The following UBE2R2 variants were observed in gnomAD, a reference collection of about 807,000 sequenced individuals.
UBE2R2 encodes ubiquitin-conjugating enzyme E2 R2.
A neutral mutation model predicts 27.8 loss-of-function variants in UBE2R2; 1 was observed. The observed-to-expected ratio is 0.04, with a 90% CI of 0.01 to 0.17. The LOEUF (loss-of-function observed/expected upper bound fraction) is 0.17. Among genes scored for constraint, UBE2R2 ranks in the 10% least tolerant of loss-of-function variants. The pLI, the probability that UBE2R2 is intolerant of heterozygous loss-of-function variation, is 1.00. For missense variants in UBE2R2, 100 were observed against 291.0 expected (o/e 0.34, Z 4.78); for synonymous variants, 106 against 113.3 (o/e 0.94, Z 0.41).
chr9:33,839,006 T>A (rs1170158229), intron 1 of UBE2R2, among the ~76,000 whole-genome samples: 1 of 149,758 alleles, frequency 6.7e-6, no homozygotes, highest in Non-Finnish European at 1.5e-5. Context: ...TGCTTGAACC[T>A]GGGAGATGGA....
intron 1 of UBE2R2, among the ~76,000 whole-genome samples, chr9:33,826,344 A>G (rs948484674): frequency 1.3e-5 from 2 of 152,184 alleles, no homozygotes; most frequent in African/African-American, 4.8e-5. Flanking sequence ...CCAAGGTTTG[A>G]TGTTACTTAA....
chr9:33,904,667 G>T (rs72727319), intron 3 of UBE2R2, among the ~76,000 whole-genome samples: 2 of 152,310 alleles, frequency 1.3e-5, no homozygotes, highest in African/African-American at 2.4e-5. Context: ...TGAAAAGGAA[G>T]AATTTTAGGG....
intron 1 of UBE2R2, among the ~76,000 whole-genome samples, chr9:33,829,794 T>TG (rs1491346312): frequency 1.2e-4 from 3 of 24,150 alleles, no homozygotes; most frequent in African/African-American, 3.4e-4. Flanking sequence ...AGTGCAATCG[T>TG]TTTTTTTTTT....
chr9:33,911,424 A>AC (rs1822486580), intron 3 of UBE2R2, among the ~76,000 whole-genome samples: 2 of 149,548 alleles, frequency 1.3e-5, no homozygotes, highest in African/African-American at 2.4e-5. Context: ...AAAAAAAAAA[A>AC]AAAAAAAAAA....
At chr9:33,847,182 C>A (rs541685715) in intron 1 of UBE2R2, among the ~76,000 whole-genome samples, 2 of 152,064 alleles carry the variant, frequency 1.3e-5, no homozygotes, top group East Asian at 3.9e-4. Context: ...ACTGCAACCC[C>A]TGCCACCCGA....
rs1036412846 is a variant in UBE2R2 at position 33,919,132 on chromosome 9, T to C, written c.*1895T>C. On this transcript the variant is annotated 3_prime_UTR_variant, in exon 5 of 5. Coordinates refer to ENST00000263228, the MANE Select transcript of UBE2R2 (RefSeq NM_017811.4). Reference sequence around the variant, plus strand: ...AATCTAGTGATTTTAGTCAGATCCATGGAACAGAGCAGCTTCGTAATACAT... The same window carrying C: ...AATCTAGTGATTTTAGTCAGATCCACGGAACAGAGCAGCTTCGTAATACAT... 6.6e-6 allele frequency: 1 copy of C among 152,368 alleles called. No individual in the cohort carries two copies. Among genetic ancestry groups the C allele is most frequent in the African/African-American group, 2.4e-5 (1 of 41,454 alleles). 9.4% of individuals were successfully genotyped at this position (152,368 alleles called of 1,614,324 possible).
At chr9:33,877,017 G>T (rs990839775) in intron 1 of UBE2R2, among the ~76,000 whole-genome samples, 7 of 152,010 alleles carry the variant, frequency 4.6e-5, no homozygotes, top group Non-Finnish European at 8.8e-5. Flanking sequence ...GTTGGCACAT[G>T]CCTGTAATCC....
Position 33,917,145 on chromosome 9 carries a change from G to A in UBE2R2, c.625G>A (p.Asp209Asn). The A allele has an allele frequency of 5.6e-6, 9 of 1,614,148 alleles. No homozygotes were observed. The highest frequency in any genetic ancestry group is 7.6e-6 in the Non-Finnish European group (9 of 1,180,032). The change falls in exon 5 of 5, where the codon GAC becomes AAC. Residue 209 changes from aspartate (D) to asparagine (N), a missense_variant. By Grantham distance (23) the Asp-to-Asn change is conservative. Transcript: ENST00000263228. ...NDNSSDLLYD[D>N]LYDDDIDDED... ...CAACAGCTCAGATTTGCTTTACGAC[G>A]ACTTGTATGATGACGACATTGATGA... is the stretch of plus-strand genomic sequence containing the variant.
chr9:33,865,003 C>T (rs1264940154), intron 1 of UBE2R2, among the ~76,000 whole-genome samples: 1 of 151,740 alleles, frequency 6.6e-6, no homozygotes, highest in African/African-American at 2.4e-5. Context: ...GGATTACAGG[C>T]GTGAGCCACC....
At chr9:33,890,330 A>G (rs1052622138) in intron 2 of UBE2R2, among the ~76,000 whole-genome samples, 15 of 152,138 alleles carry the variant, frequency 9.9e-5, no homozygotes, top group Non-Finnish European at 4.4e-5. Context: ...TCACCCTATA[A>G]TCCCAGCACT....
intron 1 of UBE2R2, among the ~76,000 whole-genome samples, chr9:33,870,039 G>A (rs960854885): frequency 6.6e-6 from 1 of 151,816 alleles, no homozygotes; most frequent in African/African-American, 2.4e-5. Context: ...TAGAGACTAG[G>A]TTTCACTATA....
At chr9:33,826,703 C>T (rs984467638) in intron 1 of UBE2R2, among the ~76,000 whole-genome samples, 2 of 151,412 alleles carry the variant, frequency 1.3e-5, no homozygotes, top group Non-Finnish European at 2.9e-5. Context: ...TGTCCCCTGC[C>T]GCCCCCTCCA....
chr9:33,916,924 G>T, intron 4 of UBE2R2, 94 bp from the exon 5 acceptor site: 1 of 1,511,060 alleles, frequency 6.6e-7, no homozygotes. Flanking sequence ...TTGGAGAGCT[G>T]AGTCATAAGT....
chr9:33,815,360 G>A (rs1321105172), upstream of UBE2R2, among the ~76,000 whole-genome samples: 3 of 152,224 alleles, frequency 2.0e-5, no homozygotes, highest in Non-Finnish European at 4.4e-5. Context: ...TGTAATACAT[G>A]TACTCTACTA....
intron 1 of UBE2R2, among the ~76,000 whole-genome samples, chr9:33,875,378 A>G (rs1297031645): frequency 8.5e-5 from 13 of 152,186 alleles, no homozygotes; most frequent in Admixed American, 8.5e-4. Flanking sequence ...CTTCTTGTGG[A>G]AAATACTTTA....
At chr9:33,831,367 CAA>C (rs1232733735) in intron 1 of UBE2R2, among the ~76,000 whole-genome samples, 1 of 152,124 alleles carries the variant, frequency 6.6e-6, no homozygotes, top group Admixed American at 6.6e-5. Flanking sequence ...TAAGGCAAAA[CAA>C]AAGAGTTTTG....
chr9:33,827,597 C>T (rs1039898466), intron 1 of UBE2R2, among the ~76,000 whole-genome samples: 10 of 151,634 alleles, frequency 6.6e-5, no homozygotes, highest in South Asian at 2.1e-4. Flanking sequence ...GCTGAGATTG[C>T]GCCATTGCAC....
intron 3 of UBE2R2, among the ~76,000 whole-genome samples, chr9:33,911,605 GT>G (rs1459436866): frequency 1.3e-5 from 2 of 152,044 alleles, no homozygotes; most frequent in Non-Finnish European, 2.9e-5. Flanking sequence ...CATGTGACCA[GT>G]TGAAACAGGG....
At chr9:33,913,473 C>T (rs756343976) in intron 4 of UBE2R2, among the ~76,000 whole-genome samples, 9 of 151,534 alleles carry the variant, frequency 5.9e-5, no homozygotes, top group Non-Finnish European at 8.8e-5. Context: ...TGTTGCCCAG[C>T]CTGGTCTTGA....
Sources: gnomAD v4.1 joint callset for allele counts (sites outside exome capture counted in the v4.1 genomes callset) on GRCh38, gnomAD v4.1.1 for gene constraint, MANE v1.5 for transcripts, NCBI Gene and HGNC (gene_info 2026-07-23, HGNC 2026-07-21) for gene names.